RO60: variants seen among roughly 807,000 people sequenced by gnomAD.
The protein encoded by RO60 is Ro60, Y RNA binding protein, also known as RNA-binding protein RO60.
Under a neutral mutation model 55.3 loss-of-function variants are expected in RO60, and 20 were observed. The observed-to-expected ratio is 0.36, with a 90% CI of 0.25 to 0.53. The LOEUF is 0.53. RO60 is among the 20% of genes least tolerant of loss of function. RO60 has a pLI of 0.92. For synonymous variants in RO60, 213 were observed against 213.6 expected (o/e 1.00, Z 0.02); for missense variants, 558 against 646.6 (o/e 0.86, Z 1.49).
intron 1 of RO60, among the ~76,000 whole-genome samples, chr1:193,064,028 C>T (rs1322348653): frequency 1.3e-5 from 2 of 152,188 alleles, no homozygotes; most frequent in African/African-American, 4.8e-5. Flanking sequence ...AACAGCCAAA[C>T]AGGAAGTAGA....
intron 5 of RO60, among the ~76,000 whole-genome samples, chr1:193,078,459 A>G (rs1311514862): frequency 2.0e-5 from 3 of 152,218 alleles, no homozygotes; most frequent in Non-Finnish European, 4.4e-5. Context: ...TTGGAAAGAA[A>G]GAAGTAAAAT....
At chr1:193,083,510 CTA>C (rs1674459348) in intron 8 of RO60, among the ~76,000 whole-genome samples, 1 of 152,154 alleles carries the variant, frequency 6.6e-6, no homozygotes, top group South Asian at 2.1e-4. Flanking sequence ...TAAAATATGG[CTA>C]GTGTGACTAG....
At chr1:193,077,711 C>T (rs895282477) in intron 5 of RO60, among the ~76,000 whole-genome samples, 7 of 152,086 alleles carry the variant, frequency 4.6e-5, no homozygotes, top group Admixed American at 1.3e-4. Context: ...ACAATCTTGG[C>T]AGAAGGGGGA....
chr1:193,059,616 G>C lies in RO60; in HGVS notation c.-182G>C. ...GGGCAAAAGAAGAGGGGCAGGACTC[G>C]TTCCCGGGAACCGAACCTGGAATCC... is the stretch of plus-strand genomic sequence containing the variant. On this transcript the variant is annotated 5_prime_UTR_variant, in exon 1 of 9. Transcript: ENST00000400968. This position sits in a 1 kb window ranked among gnomAD's most constrained non-coding sequence, Gnocchi z 4.9. 1 of 1,426,470 alleles carries C rather than the reference G, an allele frequency of 7.0e-7. No individual in the cohort carries two copies. Among genetic ancestry groups the C allele is most frequent in the Non-Finnish European group, 9.4e-7 (1 of 1,062,648 alleles). 88.4% of individuals were successfully genotyped at this position (1,426,470 alleles called of 1,614,324 possible).
At chr1:193,080,958 T>C (rs1369231735) in intron 5 of RO60, among the ~76,000 whole-genome samples, 1 of 152,134 alleles carries the variant, frequency 6.6e-6, no homozygotes, top group Non-Finnish European at 1.5e-5. Flanking sequence ...TTACACAACA[T>C]TGCGAATGTA....
intron 1 of RO60, among the ~76,000 whole-genome samples, chr1:193,062,723 C>T (rs144243982): frequency 6.0e-4 from 92 of 152,240 alleles, no homozygotes; most frequent in African/African-American, 2.2e-3. Flanking sequence ...GACTAATGTA[C>T]TTTTTATTTC....
rs1351397655 is a variant in RO60, at chr1:193,087,042, G to A, written c.*2311G>A. 1 of 152,130 alleles carries A rather than the reference G, an allele frequency of 6.6e-6. No individual in the cohort carries two copies. The highest frequency in any genetic ancestry group is 6.5e-5 in the Admixed American group (1 of 15,282). The allele number at this position is 152,130 out of a possible 1,614,324, so 9.4% of individuals were successfully genotyped here. On this transcript the variant is annotated 3_prime_UTR_variant, in exon 9 of 9. Transcript: ENST00000400968. ...AACATGGGAATACATGGTCTCAGAA[G>A]AGTAGAGGATAAAATAAAATTATTT...
At chr1:193,081,540 A>AT (rs1387732702) in intron 6 of RO60, 60 bp downstream of exon 6, 1 of 838,108 alleles carries the variant, frequency 1.2e-6, no homozygotes, top group Non-Finnish European at 2.0e-6. Flanking sequence ...GAGCAAAACT[A>AT]TAAGATTAAT....
chr1:193,068,046 C>T (rs150609867), intron 1 of RO60, among the ~76,000 whole-genome samples: 129 of 152,270 alleles, frequency 8.5e-4, no homozygotes, highest in African/African-American at 3.1e-3. Flanking sequence ...TGTCAGAAGG[C>T]AGAAAAGGGA....
At chr1:193,070,502 CA>C in intron 2 of RO60, 1 of 367,472 alleles carries the variant, frequency 2.7e-6, no homozygotes, top group Non-Finnish European at 5.6e-6. Flanking sequence ...TGAAGTTCCA[CA>C]AAAATCAACA....
At position 193,059,722 on chromosome 1, in the gene RO60, C is replaced by T; in HGVS notation, c.-76C>T. On this transcript the variant is annotated 5_prime_UTR_variant, in exon 1 of 9. Coordinates refer to ENST00000400968, the MANE Select transcript of RO60 (RefSeq NM_001173524.2). The surrounding 1 kb of genome is among the most constrained non-coding windows in gnomAD (Gnocchi z 4.9). ...CTTCTTTTGTCGTTTCCCAGCGCTGCGCAGGACTTCTCCTGGCGGCGCTGC... is the reference window on the plus strand; with the variant it reads ...CTTCTTTTGTCGTTTCCCAGCGCTGTGCAGGACTTCTCCTGGCGGCGCTGC... The T allele has an allele frequency of 7.4e-7, 1 of 1,353,296 alleles. No individual in the cohort carries two copies. The highest frequency in any genetic ancestry group is 9.8e-7 in the Non-Finnish European group (1 of 1,016,052). The allele number at this position is 1,353,296 out of a possible 1,614,324, so 83.8% of individuals were successfully genotyped here.
chr1:193,083,924 C>T (rs1252294798), intron 8 of RO60, among the ~76,000 whole-genome samples: 4 of 152,014 alleles, frequency 2.6e-5, no homozygotes, highest in East Asian at 1.9e-4. Flanking sequence ...TTGTGAGTCC[C>T]GAGTCTTTCT....
chr1:193,083,507 T>C (rs1674458671), intron 8 of RO60, among the ~76,000 whole-genome samples: 1 of 152,214 alleles, frequency 6.6e-6, no homozygotes, highest in African/African-American at 2.4e-5. Flanking sequence ...ACTTAAAATA[T>C]GGCTAGTGTG....
In RO60 at chr1:193,072,501, T is replaced by C. The variant is rs972244848; in HGVS notation, c.580+2867T>C. Among the ~76,000 whole-genome samples the C allele has an allele frequency of 3.3e-4, 50 of 152,188 alleles. 1 individual carries two copies. The highest frequency in any genetic ancestry group is 1.0e-3 in the African/African-American group (43 of 41,560). ...TTTTGAATTTTAATGTAGTCAAATT[T>C]ATCCATGTCTTCATAGGTTTATGTT... is the stretch of plus-strand genomic sequence containing the variant. On this transcript the variant is annotated intron_variant, in intron 2 of 8. Coordinates refer to ENST00000400968, the MANE Select transcript of RO60 (RefSeq NM_001173524.2).
At chr1:193,070,870 CAT>C (rs1673443686) in intron 2 of RO60, among the ~76,000 whole-genome samples, 1 of 151,996 alleles carries the variant, frequency 6.6e-6, no homozygotes. Flanking sequence ...TATGTATAAA[CAT>C]TTTATTTTGA....
Position 193,069,042 on chromosome 1 carries a change from A to G in RO60, c.-13A>G. 1.3e-6 allele frequency: 2 copies of G among 1,595,276 alleles called. No individual in the cohort carries two copies. The highest frequency in any genetic ancestry group is 8.5e-7 in the Non-Finnish European group (1 of 1,169,710). On this transcript the variant is annotated 5_prime_UTR_variant, in exon 2 of 9. Coordinates refer to ENST00000400968, the MANE Select transcript of RO60 (RefSeq NM_001173524.2). ...TTTTGCCTTTTTGTTAGGTTTCCTA[A>G]AGACAAAAAAAAATGGAGGAATCTG...
chr1:193,061,671 A>G (rs562437574), intron 1 of RO60, among the ~76,000 whole-genome samples: 1 of 152,352 alleles, frequency 6.6e-6, no homozygotes, highest in Non-Finnish European at 1.5e-5. Flanking sequence ...TGTATAAAAT[A>G]TCCACAACCA....
chr1:193,091,390 A>AAGTT (rs1355473451), downstream of RO60: 14 of 334,766 alleles, frequency 4.2e-5, no homozygotes, highest in Non-Finnish European at 4.9e-5. Context: ...CTGGTGCTTA[A>AAGTT]AGTTATGTAA....
rs1184192485 is a variant in RO60 at position 193,085,683 on chromosome 1, C to G, written c.*952C>G. ...CTTACTTTTAAAATAAAATTTTTTA[C>G]TTTTAACTATTTTTTTAGTTAATAT... On this transcript the variant is annotated 3_prime_UTR_variant, in exon 9 of 9. Coordinates refer to ENST00000400968, the MANE Select transcript of RO60 (RefSeq NM_001173524.2). The G allele has an allele frequency of 1.0e-6, 1 of 976,398 alleles. No individual in the cohort carries two copies. Among genetic ancestry groups the G allele is most frequent in the Non-Finnish European group, 1.2e-6 (1 of 821,998 alleles). The allele number at this position is 976,398 out of a possible 1,614,324, so 60.5% of individuals were successfully genotyped here. A position where few individuals can be genotyped will look rare whatever the true frequency, so the allele number is the denominator to read the frequency against.
Sources: allele counts gnomAD v4.1 joint callset (sites outside exome capture counted in the v4.1 genomes callset), GRCh38; gene constraint gnomAD v4.1.1; non-coding constraint Gnocchi (gnomAD v3.1); transcripts MANE v1.5; gene names NCBI Gene and HGNC (gene_info 2026-07-23, HGNC 2026-07-21).